The following RGS3 variants were observed in gnomAD, a reference collection of about 807,000 sequenced individuals.
The protein encoded by RGS3 is regulator of G-protein signalling 3.
RGS3 carries 80 observed loss-of-function variants against 132.6 expected under a neutral mutation model. The ratio of observed to expected loss-of-function variants is 0.60; its 90% CI spans 0.50 to 0.73. The LOEUF is 0.73. Among genes scored for constraint, RGS3 ranks in the 30% least tolerant of loss-of-function variants. RGS3 has a pLI of 0.00. For missense variants in RGS3, 1,382 were observed against 1,530.8 expected (o/e 0.90, Z 1.62); for synonymous variants, 598 against 620.6 (o/e 0.96, Z 0.54).
chr9:113,595,573 T>C, intron 23 of RGS3, 26 bp from the exon 22 acceptor site: 2 of 1,609,238 alleles, frequency 1.2e-6, no homozygotes, highest in Non-Finnish European at 1.7e-6. Flanking sequence ...GTTTGCCTCT[T>C]ACCCCAGGAT....
chr9:113,483,108 G>A (rs920801321), exon 5 of RGS3: 27 of 1,605,752 alleles, frequency 1.7e-5, no homozygotes, highest in South Asian at 2.2e-5. Flanking sequence ...CCTGTGATCC[G>A]TATGTGAAGG....
At chr9:113,467,419 C>G (rs1165762366) in intron 3 of RGS3, among the ~76,000 whole-genome samples, 1 of 152,186 alleles carries the variant, frequency 6.6e-6, no homozygotes, top group Non-Finnish European at 1.5e-5. Flanking sequence ...TTAATTCTAG[C>G]TATCCTAGTG....
At position 113,475,639 on chromosome 9, in the gene RGS3, G is replaced by C. The variant is rs568148552; in HGVS notation, c.416-3852G>C. 5.1e-4 allele frequency among the ~76,000 whole-genome samples: 77 copies of C among 152,186 alleles called. 2 individuals are homozygous for C. The Middle Eastern group carries it at 0.037, about 74-fold the overall frequency. ...TGTCCAGGTTGGTGTCAAACTCCTG[G>C]ACTCAAGCAATCCTCCCACCTCAGC... On this transcript the variant is annotated intron_variant, in intron 3 of 24. Coordinates refer to ENST00000350696, the Ensembl canonical transcript of RGS3.
intron 3 of RGS3, among the ~76,000 whole-genome samples, chr9:113,462,737 A>G (rs1829505465): frequency 6.6e-6 from 1 of 152,164 alleles, no homozygotes. Flanking sequence ...GGCATCTGGT[A>G]CTCAACACAT....
chr9:113,452,015 A>G (rs1309785737), intron 1 of RGS3, among the ~76,000 whole-genome samples: 1 of 151,898 alleles, frequency 6.6e-6, no homozygotes, highest in Non-Finnish European at 1.5e-5. Context: ...TATTTTTCTT[A>G]AGAGTCAGGG....
intron 20 of RGS3, among the ~76,000 whole-genome samples, 192 bp downstream of exon 18, chr9:113,584,619 A>G (rs1245796194): frequency 6.6e-6 from 1 of 152,212 alleles, no homozygotes; most frequent in African/African-American, 2.4e-5. Context: ...ATGGACTTAA[A>G]CACATGACTT....
At chr9:113,460,880 G>C (rs1829454984) in intron 1 of RGS3, among the ~76,000 whole-genome samples, 1 of 152,042 alleles carries the variant, frequency 6.6e-6, no homozygotes, top group South Asian at 2.1e-4. Context: ...TATTATTCCA[G>C]ATATAGTCAG....
At position 113,565,760 on chromosome 9, in the gene RGS3, G is replaced by A. The variant is rs1001249664; in HGVS notation, c.2038-17690G>A. The A allele has an allele frequency of 7.3e-5, 15 of 205,748 alleles. No homozygotes were observed. The highest frequency in any genetic ancestry group is 3.5e-4 in the African/African-American group (15 of 42,886). 12.7% of individuals were successfully genotyped at this position (205,748 alleles called of 1,614,324 possible). ...GTACCTTGGTGACAGGACTGTGTGT[G>A]TGGTGGGCGGGCATCCAAGCCACCC... On this transcript the variant is annotated intron_variant, in intron 19 of 24. Coordinates refer to ENST00000350696, the Ensembl canonical transcript of RGS3. The surrounding 1 kb of genome is among the most constrained non-coding windows in gnomAD (Gnocchi z 5.7).
chr9:113,577,929 A>C (rs1187130389), intron 19 of RGS3, among the ~76,000 whole-genome samples: 1 of 152,254 alleles, frequency 6.6e-6, no homozygotes, highest in Non-Finnish European at 1.5e-5. Flanking sequence ...GACAAGGATC[A>C]TGTCTTTCTT....
At chr9:113,560,793 A>G (rs138899942) in intron 19 of RGS3, among the ~76,000 whole-genome samples, 1 of 152,318 alleles carries the variant, frequency 6.6e-6, no homozygotes, top group East Asian at 1.9e-4. Context: ...ATATACAGAC[A>G]CTTCCATAGA....
chr9:113,525,627 AG>A (rs1333744851), intron 17 of RGS3, among the ~76,000 whole-genome samples: 1 of 152,216 alleles, frequency 6.6e-6, no homozygotes, highest in Non-Finnish European at 1.5e-5. Context: ...TTTGGGGCAA[AG>A]AAGATGGCAA....
At chr9:113,502,467 C>G (rs72761966) in intron 10 of RGS3, among the ~76,000 whole-genome samples, 5 of 152,176 alleles carry the variant, frequency 3.3e-5, no homozygotes, top group Non-Finnish European at 7.4e-5. Flanking sequence ...CCTGCCCCCC[C>G]ACCTGCCTGC....
chr9:113,485,559 T>C, intron 6 of RGS3, 66 bp from the exon 5 acceptor site: 1 of 1,254,126 alleles, frequency 8.0e-7, no homozygotes, highest in East Asian at 2.4e-5. Context: ...TGACTGACTC[T>C]ATGAGTCAGC....
intron 7 of RGS3, 147 bp from the exon 6 acceptor site, chr9:113,495,639 C>T (rs965313478): frequency 3.7e-5 from 26 of 704,424 alleles, no homozygotes; most frequent in African/African-American, 3.5e-4. Context: ...TCCTGCCTCA[C>T]AGAGTCAGAA....
intron 4 of RGS3, among the ~76,000 whole-genome samples, chr9:113,480,463 A>AAAC (rs1342211918): frequency 6.6e-6 from 1 of 151,432 alleles, no homozygotes; most frequent in Non-Finnish European, 1.5e-5. Context: ...CGTCTCAAAA[A>AAAC]AAAAAAAAAA....
intron 15 of RGS3, among the ~76,000 whole-genome samples, chr9:113,515,747 C>T (rs531682158): frequency 9.9e-5 from 15 of 152,264 alleles, no homozygotes; most frequent in African/African-American, 3.6e-4. Context: ...AAAAAACAGA[C>T]CTTATTCTAT....
At chr9:113,573,133 C>T (rs892529162) in intron 19 of RGS3, among the ~76,000 whole-genome samples, 2 of 152,146 alleles carry the variant, frequency 1.3e-5, no homozygotes, top group Non-Finnish European at 2.9e-5. Context: ...ATGAGGAAAT[C>T]GAGCCTGAAT....
At chr9:113,522,310 T>A (rs527705552) in intron 16 of RGS3, 1 of 152,390 alleles carries the variant, frequency 6.6e-6, no homozygotes, top group Non-Finnish European at 1.5e-5. Flanking sequence ...GGCGCTTTAC[T>A]AGGTCTGCAA....
At chr9:113,580,965 G>T in intron 19 of RGS3, 1 of 985,528 alleles carries the variant, frequency 1.0e-6, no homozygotes, top group Non-Finnish European at 1.2e-6. Context: ...GAGGGCACCC[G>T]GTTGCTGCTT....
Sources: gnomAD v4.1 joint callset for allele counts (sites outside exome capture counted in the v4.1 genomes callset) on GRCh38, gnomAD v4.1.1 for gene constraint, Gnocchi (gnomAD v3.1) non-coding constraint, MANE v1.5 for transcripts, NCBI Gene and HGNC (gene_info 2026-07-23, HGNC 2026-07-21) for gene names.